The following EXTL3 variants were observed in gnomAD, a reference collection of about 807,000 sequenced individuals.
EXTL3 encodes exostosin-like 3.
In EXTL3, 27 loss-of-function variants were observed where a neutral mutation model predicts 69.3. That is an observed-to-expected ratio of 0.39 (90% CI 0.29 to 0.54). EXTL3 has a LOEUF of 0.54. Ranked by LOEUF, EXTL3 falls within the 20% of genes least tolerant of loss-of-function variation. The pLI, the probability that EXTL3 is intolerant of heterozygous loss-of-function variation, is 0.69. For synonymous variants in EXTL3, 511 were observed against 499.4 expected (o/e 1.02, Z -0.31); for missense variants, 1,003 against 1,231.8 (o/e 0.81, Z 2.78).
At chr8:28,673,302 T>A (rs1203054970) in intron 1 of EXTL3, among the ~76,000 whole-genome samples, 1 of 152,204 alleles carries the variant, frequency 6.6e-6, no homozygotes, top group Non-Finnish European at 1.5e-5. Flanking sequence ...AGAATAAACA[T>A]TATTTCCTGA....
At chr8:28,695,575 C>T (rs1331534873) in intron 1 of EXTL3, among the ~76,000 whole-genome samples, 1 of 152,206 alleles carries the variant, frequency 6.6e-6, no homozygotes, top group Non-Finnish European at 1.5e-5. Flanking sequence ...TTTCTGCAGA[C>T]CAGCTTTCTG....
At chr8:28,647,262 G>A (rs544125658) in intron 1 of EXTL3, among the ~76,000 whole-genome samples, 1 of 152,052 alleles carries the variant, frequency 6.6e-6, no homozygotes, top group South Asian at 2.1e-4. Context: ...CCGCCACCAT[G>A]CCCAATGAAT....
At chr8:28,691,419 T>C (rs1306213461) in intron 1 of EXTL3, among the ~76,000 whole-genome samples, 5 of 152,176 alleles carry the variant, frequency 3.3e-5, no homozygotes, top group Admixed American at 6.5e-5. Context: ...TCAAGATGAC[T>C]GTGAAGATCA....
In EXTL3 at chr8:28,733,376, ATG is replaced by A. The variant is rs535701097; in HGVS notation, c.2276+2040_2276+2041del. On this transcript the variant is annotated intron_variant, in intron 4 of 6. Transcript: ENST00000220562. ...AAGTGATAACTAATTTTATATATAA[ATG>A]TGTGTGTGTGTGTATGTGTGTATAT... Among the ~76,000 whole-genome samples the A allele has an allele frequency of 2.6e-5, 4 of 151,218 alleles. 1 individual carries two copies. In the South Asian group the frequency reaches 6.3e-4, roughly 24 times the overall value.
upstream of EXTL3, chr8:28,696,513 T>C (rs1391670897): frequency 6.6e-6 from 1 of 152,216 alleles, no homozygotes; most frequent in Non-Finnish European, 1.5e-5. Context: ...TGCAGAACAC[T>C]CATTCTTATT....
chr8:28,654,771 C>T (rs1352296886), intron 1 of EXTL3, among the ~76,000 whole-genome samples: 1 of 152,128 alleles, frequency 6.6e-6, no homozygotes, highest in African/African-American at 2.4e-5. Context: ...CTTTTTCATA[C>T]CCCAATTTTG....
chr8:28,611,280 A>G (rs1358387609), intron 2 of EXTL3, among the ~76,000 whole-genome samples: 1 of 152,162 alleles, frequency 6.6e-6, no homozygotes, highest in African/African-American at 2.4e-5. Context: ...GTGAGACCTC[A>G]TCTTTACAAA....
At chr8:28,746,864 A>G (rs905772300) in intron 6 of EXTL3, among the ~76,000 whole-genome samples, 5 of 152,044 alleles carry the variant, frequency 3.3e-5, no homozygotes, top group Admixed American at 6.6e-5. Flanking sequence ...TTAGTAGAGA[A>G]GGGGTTTCAC....
chr8:28,652,513 C>T (rs1806943756), intron 1 of EXTL3, among the ~76,000 whole-genome samples: 1 of 151,924 alleles, frequency 6.6e-6, no homozygotes, highest in South Asian at 2.1e-4. Context: ...AATTATCTGG[C>T]TGTGGTGGTG....
intron 1 of EXTL3, among the ~76,000 whole-genome samples, chr8:28,638,560 T>C (rs79911362): frequency 0.013 from 2,016 of 152,260 alleles, 45 homozygotes; most frequent in African/African-American, 0.046. Context: ...CCAGTCCTTT[T>C]ACCCAGTCCT....
At chr8:28,670,732 T>A (rs1198407275) in intron 1 of EXTL3, among the ~76,000 whole-genome samples, 1 of 152,184 alleles carries the variant, frequency 6.6e-6, no homozygotes, top group Non-Finnish European at 1.5e-5. Flanking sequence ...ACAGCAGGCT[T>A]TACTCAGTCT....
chr8:28,746,896 G>A (rs1423538072), intron 6 of EXTL3, among the ~76,000 whole-genome samples: 3 of 152,104 alleles, frequency 2.0e-5, no homozygotes, highest in Non-Finnish European at 4.4e-5. Context: ...GGCTGGTCTC[G>A]ATCTCTTGAC....
chr8:28,660,918 T>C (rs1424190454), intron 1 of EXTL3, among the ~76,000 whole-genome samples: 1 of 147,606 alleles, frequency 6.8e-6, no homozygotes, highest in Non-Finnish European at 1.5e-5. Flanking sequence ...CGTTTCTTTT[T>C]TTTTTTTTTT....
intron 1 of EXTL3, among the ~76,000 whole-genome samples, chr8:28,690,047 G>A (rs1015712530): frequency 2.0e-5 from 3 of 152,110 alleles, no homozygotes; most frequent in African/African-American, 7.2e-5. Flanking sequence ...GGGGGCTACA[G>A]GGATGTTCAT....
At chr8:28,709,800 A>T (rs1800996968) in intron 1 of EXTL3, among the ~76,000 whole-genome samples, 1 of 152,054 alleles carries the variant, frequency 6.6e-6, no homozygotes, top group African/African-American at 2.4e-5. Flanking sequence ...GTGATAAGGG[A>T]TGTGAGAGGA....
At position 28,716,016 on chromosome 8, in the gene EXTL3, G is replaced by A. The variant is rs370382264; in HGVS notation, c.-44G>A. On this transcript the variant is annotated 5_prime_UTR_variant, in exon 3 of 7. Transcript: ENST00000220562. This position sits in a 1 kb window ranked among gnomAD's most constrained non-coding sequence, Gnocchi z 7.1. ...TGTGGAATAGCAACCCATGGTTATG[G>A]CGAGTGACCCGACGTGATCTGGGGG... The A allele has an allele frequency of 8.8e-5, 133 of 1,514,510 alleles. 1 individual carries two copies. The highest frequency in any genetic ancestry group is 2.7e-5 in the African/African-American group (2 of 73,400). 93.8% of individuals were successfully genotyped at this position (1,514,510 alleles called of 1,614,324 possible).
Position 28,751,006 on chromosome 8 carries a change from A to G in EXTL3, c.*140A>G, listed in dbSNP as rs1033038783. 4.2e-6 allele frequency: 3 copies of G among 717,608 alleles called. No individual in the cohort carries two copies. Among genetic ancestry groups the G allele is most frequent in the Non-Finnish European group, 4.7e-6 (2 of 425,880 alleles). 44.5% of individuals were successfully genotyped at this position (717,608 alleles called of 1,614,324 possible). On this transcript the variant is annotated 3_prime_UTR_variant, in exon 7 of 7. Coordinates refer to ENST00000220562, the MANE Select transcript of EXTL3 (RefSeq NM_001440.4). ...CTGGAAGGGGCAGCAGGAGGAGTGG[A>G]AGGAAACCGCTGCCTTTATCTTGAA...
intron 1 of EXTL3, among the ~76,000 whole-genome samples, chr8:28,692,944 G>A (rs192531444): frequency 6.6e-6 from 1 of 152,270 alleles, no homozygotes; most frequent in Non-Finnish European, 1.5e-5. Flanking sequence ...ACCATGTTGT[G>A]ACATGTTGCG....
chr8:28,744,537 A>G (rs1038332765), intron 6 of EXTL3, among the ~76,000 whole-genome samples: 7 of 152,142 alleles, frequency 4.6e-5, no homozygotes, highest in Admixed American at 2.6e-4. Flanking sequence ...GCTTACGCCT[A>G]TAATCCCAGC....
Sources: gnomAD v4.1 joint callset for allele counts (sites outside exome capture counted in the v4.1 genomes callset) on GRCh38, gnomAD v4.1.1 for gene constraint, Gnocchi (gnomAD v3.1) non-coding constraint, MANE v1.5 for transcripts, NCBI Gene and HGNC (gene_info 2026-07-23, HGNC 2026-07-21) for gene names.